Variants in FAM193A observed in about 807,000 individuals in gnomAD.
FAM193A encodes protein FAM193A.
A neutral mutation model predicts 126.5 loss-of-function variants in FAM193A; 22 were observed. The ratio of observed to expected loss-of-function variants is 0.17; its 90% confidence interval spans 0.12 to 0.25. The LOEUF (loss-of-function observed/expected upper bound fraction) is 0.25. Among genes scored for constraint, FAM193A ranks in the 10% least tolerant of loss-of-function variants. FAM193A has a pLI of 1.00. For missense variants in FAM193A, 1,675 were observed against 1,672.8 expected (o/e 1.00, Z -0.02); for synonymous variants, 761 against 646.8 (o/e 1.18, Z -2.68).
intron 13 of FAM193A, among the ~76,000 whole-genome samples, chr4:2,687,931 TC>T (rs1297202458): frequency 2.6e-5 from 4 of 152,142 alleles, no homozygotes; most frequent in Admixed American, 1.3e-4. Flanking sequence ...CCTAACCTCT[TC>T]CTGTCCTCCC....
intron 1 of FAM193A, among the ~76,000 whole-genome samples, chr4:2,585,022 A>G (rs1189567840): frequency 6.6e-6 from 1 of 152,190 alleles, no homozygotes; most frequent in Non-Finnish European, 1.5e-5. Context: ...CATACTGAAT[A>G]CGGTATATAA....
At chr4:2,590,494 A>G (rs1365819378) in intron 1 of FAM193A, among the ~76,000 whole-genome samples, 1 of 98,548 alleles carries the variant, frequency 1.0e-5, no homozygotes, top group Non-Finnish European at 1.9e-5. Flanking sequence ...AACAAAAAAA[A>G]ACAAAAAAAA....
At chr4:2,675,176 G>GT (rs776165655) in intron 13 of FAM193A, among the ~76,000 whole-genome samples, 21 of 152,128 alleles carry the variant, frequency 1.4e-4, no homozygotes, top group Non-Finnish European at 2.8e-4. Context: ...GTCTGTCTTG[G>GT]TGAATGTTCC....
intron 7 of FAM193A, among the ~76,000 whole-genome samples, chr4:2,647,511 C>T (rs931578027): frequency 2.0e-5 from 3 of 152,118 alleles, no homozygotes; most frequent in African/African-American, 7.2e-5. Context: ...AGCTCATTGT[C>T]CATCTGTCCT....
chr4:2,677,691 A>G (rs1415563711), intron 13 of FAM193A, among the ~76,000 whole-genome samples: 3 of 151,418 alleles, frequency 2.0e-5, no homozygotes, highest in Non-Finnish European at 4.4e-5. Flanking sequence ...CAGTGAGCCA[A>G]GATCGCGCCA....
chr4:2,594,814 CTTTT>C (rs1740762316), intron 1 of FAM193A, among the ~76,000 whole-genome samples: 8 of 91,002 alleles, frequency 8.8e-5, no homozygotes, highest in Non-Finnish European at 8.8e-5. Context: ...TTTTTCTTTT[CTTTT>C]CCTTTTTTTT....
At chr4:2,699,131 C>G (rs979456032) in intron 18 of FAM193A, among the ~76,000 whole-genome samples, 9 of 152,162 alleles carry the variant, frequency 5.9e-5, no homozygotes, top group Non-Finnish European at 8.8e-5. Flanking sequence ...CTCCTAGGAT[C>G]ACAGGTGTGA....
Position 2,675,464 on chromosome 4 carries a change from G to A in FAM193A, c.2331+3092G>A, listed in dbSNP as rs185917234. On this transcript the variant is annotated intron_variant, in intron 13 of 20. Transcript: ENST00000637812. ...CACACACATTGAGAATTGTTACGTC[G>A]TCTTGGAGAATTGACCCTTTTTCAT... Among the ~76,000 whole-genome samples, 142 of 152,228 alleles carry A rather than the reference G, an allele frequency of 9.3e-4. 4 individuals are homozygous for A. The highest frequency in any genetic ancestry group is 8.7e-3 in the Admixed American group (133 of 15,288).
At chr4:2,718,260 AAATC>A (rs1468069967) in intron 20 of FAM193A, among the ~76,000 whole-genome samples, 2 of 151,862 alleles carry the variant, frequency 1.3e-5, no homozygotes, top group African/African-American at 4.8e-5. Context: ...AACACCAAAT[AAATC>A]TTTAGGAGAC....
In FAM193A at chr4:2,672,335, C is replaced by T; in HGVS notation, c.2294C>T (p.Pro765Leu). ...VPHLPRPLIH[P>L]TLYATPPFTH... The stretch of plus-strand genomic sequence containing the variant: ...CACCTGCCACGCCCTCTCATCCACC[C>T]CACCTTGTATGCAACGCCCCCCTTC... Residue 765 changes from proline (P) to leucine (L), a missense_variant, in exon 13 of 21, where the codon CCC (proline) becomes CTC (leucine). This residue lies in a region of FAM193A where 1,186 missense variants were observed against 1,109.2 expected (regional missense o/e 1.07). Coordinates refer to ENST00000637812, the MANE Select transcript of FAM193A (RefSeq NM_001366318.2). 1 of 1,614,184 alleles carries T rather than the reference C, an allele frequency of 6.2e-7. No homozygotes were observed.
In FAM193A at chr4:2,672,276, C is replaced by T; in HGVS notation, c.2235C>T (p.His745=). 1 of 1,614,224 alleles carries T rather than the reference C, an allele frequency of 6.2e-7. No individual in the cohort carries two copies. The highest frequency in any genetic ancestry group is 8.5e-7 in the Non-Finnish European group (1 of 1,180,042). The change falls in exon 13 of 21, where the codon CAC becomes CAT. Residue 745 remains histidine (H), a synonymous_variant. Transcript: ENST00000637812. ...ACCCTGCACTGCACCTTTACCCTCA[C>T]ATCCATGGACATGTGCCTTTGCACA... The part of the protein sequence containing the change: ...PTHPALHLYP[H]IHGHVPLHTV...
chr4:2,616,174 A>T (rs548732001), intron 2 of FAM193A, among the ~76,000 whole-genome samples: 4 of 152,184 alleles, frequency 2.6e-5, no homozygotes, highest in South Asian at 2.1e-4. Flanking sequence ...CTCTGTTGTT[A>T]TTTACCATTT....
intron 1 of FAM193A, among the ~76,000 whole-genome samples, chr4:2,563,652 C>T (rs73791837): frequency 0.099 from 15,130 of 152,216 alleles, 1,553 homozygotes; most frequent in African/African-American, 0.26. Flanking sequence ...CCAACACTTC[C>T]ACTTTCTGTG....
chr4:2,716,965 C>T (rs1355997388), intron 20 of FAM193A, among the ~76,000 whole-genome samples: 3 of 151,634 alleles, frequency 2.0e-5, no homozygotes, highest in Non-Finnish European at 4.4e-5. Flanking sequence ...CGTGAGCCAC[C>T]GCGCCCAGCC....
intron 12 of FAM193A, among the ~76,000 whole-genome samples, chr4:2,671,711 G>A (rs959955481): frequency 7.9e-5 from 12 of 152,310 alleles, no homozygotes; most frequent in South Asian, 2.1e-4. Context: ...ACCGGAAGTC[G>A]CGTCTCTGCT....
chr4:2,704,304 A>G (rs1367326460), intron 19 of FAM193A, among the ~76,000 whole-genome samples: 1 of 151,550 alleles, frequency 6.6e-6, no homozygotes, highest in African/African-American at 2.4e-5. Context: ...GGTGGCTCAC[A>G]TCCATAATCC....
intron 2 of FAM193A, among the ~76,000 whole-genome samples, chr4:2,619,140 G>C (rs1236508863): frequency 6.6e-6 from 1 of 151,928 alleles, no homozygotes; most frequent in African/African-American, 2.4e-5. Flanking sequence ...CTCAGCTCTG[G>C]AAGTTTCATT....
At chr4:2,656,998 C>T (rs1009145740) in intron 7 of FAM193A, among the ~76,000 whole-genome samples, 5 of 152,168 alleles carry the variant, frequency 3.3e-5, no homozygotes, top group Admixed American at 2.0e-4. Flanking sequence ...GAAACACCGT[C>T]TCTAGTAAAA....
Position 2,600,634 on chromosome 4 carries a change from C to T in FAM193A, c.501+4305C>T, listed in dbSNP as rs1373169639. Reference sequence around the variant, plus strand: ...TCAGGGAGAAAATCAAAGTTAACACCTCCCCTGTATCACCCCCAAACCCCC... The same window carrying T: ...TCAGGGAGAAAATCAAAGTTAACACTTCCCCTGTATCACCCCCAAACCCCC... On this transcript the variant is annotated intron_variant, in intron 2 of 20. Coordinates refer to ENST00000637812, the MANE Select transcript of FAM193A (RefSeq NM_001366318.2). Among the ~76,000 whole-genome samples the T allele has an allele frequency of 2.0e-5, 3 of 152,286 alleles. No homozygotes were observed. In the East Asian group the frequency reaches 5.8e-4, roughly 29 times the overall value.
Sources: gnomAD v4.1 joint callset for allele counts (sites outside exome capture counted in the v4.1 genomes callset) on GRCh38, gnomAD v4.1.1 for gene constraint, gnomAD v4.1.1 regional missense constraint, MANE v1.5 for transcripts, NCBI Gene and HGNC (gene_info 2026-07-23, HGNC 2026-07-21) for gene names.